The following GINM1 variants were observed in gnomAD, a reference collection of about 807,000 sequenced individuals.
GINM1 encodes the protein glycosylated integral membrane protein 1.
A neutral mutation model predicts 37.8 loss-of-function variants in GINM1; 29 were observed. That is an observed-to-expected ratio of 0.77 (90% CI 0.57 to 1.05). The LOEUF (loss-of-function observed/expected upper bound fraction) is 1.05. Among genes scored for constraint, GINM1 ranks in the 50% least tolerant of loss-of-function variants. The pLI, the probability that GINM1 is intolerant of heterozygous loss-of-function variation, is 0.00. For missense variants in GINM1, 377 were observed against 397.9 expected (o/e 0.95, Z 0.45); for synonymous variants, 143 against 146.2 (o/e 0.98, Z 0.16).
At chr6:149,582,364 TAA>T in intron 6 of GINM1, 74 bp from the exon 7 acceptor site, 2 of 1,272,912 alleles carry the variant, frequency 1.6e-6, no homozygotes, top group Non-Finnish European at 2.2e-6. Context: ...ATCCCAAAGC[TAA>T]AACATTAAAA....
chr6:149,580,607 C>T lies in GINM1; in HGVS notation c.601C>T (p.Leu201=). 6.2e-7 allele frequency: 1 copy of T among 1,612,620 alleles called. No individual in the cohort carries two copies. The highest frequency in any genetic ancestry group is 8.5e-7 in the Non-Finnish European group (1 of 1,179,436). The change falls in exon 6 of 8, where the codon CTG becomes TTG. Residue 201 remains leucine (L), a synonymous_variant. Coordinates refer to ENST00000367419, the MANE Select transcript of GINM1 (RefSeq NM_138785.5). ...CTCCTGGGTAGAAAGTGTTAGTTCA[C>T]TGCAAACCACTAGCCAGTATCTTAT... ...NLSKKESVSS[L]QTTSQYLIRN... is the part of the protein sequence containing the mutation.
At chr6:149,576,857 G>A (rs1264566731) in intron 3 of GINM1, among the ~76,000 whole-genome samples, 2 of 152,210 alleles carry the variant, frequency 1.3e-5, no homozygotes, top group African/African-American at 2.4e-5. Flanking sequence ...AAATACCTGA[G>A]ACTGGGTAAT....
At chr6:149,574,800 A>G (rs921086791) in intron 3 of GINM1, among the ~76,000 whole-genome samples, 14 of 152,182 alleles carry the variant, frequency 9.2e-5, no homozygotes, top group African/African-American at 3.1e-4. Flanking sequence ...CTCAGGAGAT[A>G]GAGGCTGCAG....
intron 6 of GINM1, 40 bp downstream of exon 6, chr6:149,580,763 T>A: frequency 6.3e-7 from 1 of 1,587,192 alleles, no homozygotes; most frequent in Non-Finnish European, 8.6e-7. Context: ...CATTCATGGT[T>A]AAGATGAAGA....
At chr6:149,571,556 G>C (rs1777822582) in intron 1 of GINM1, among the ~76,000 whole-genome samples, 1 of 152,088 alleles carries the variant, frequency 6.6e-6, no homozygotes, top group Non-Finnish European at 1.5e-5. Flanking sequence ...TTTAGAGAGA[G>C]AGACACAGGT....
chr6:149,580,092 A>G, intron 5 of GINM1, 102 bp downstream of exon 5: 1 of 761,492 alleles, frequency 1.3e-6, no homozygotes, highest in Non-Finnish European at 2.1e-6. Context: ...TATTTGCAAA[A>G]GTTGCTATTT....
chr6:149,584,196 G>A (rs554433248), intron 7 of GINM1, among the ~76,000 whole-genome samples: 1 of 152,130 alleles, frequency 6.6e-6, no homozygotes, highest in African/African-American at 2.4e-5. Flanking sequence ...AGCTGGTCTC[G>A]AACTCCTGAC....
intron 7 of GINM1, 48 bp downstream of exon 7, chr6:149,582,651 A>C (rs778767816): frequency 7.8e-7 from 1 of 1,282,772 alleles, no homozygotes; most frequent in Non-Finnish European, 1.1e-6. Flanking sequence ...ATGATTAAAA[A>C]GTGAGACATA....
chr6:149,568,375 A>G (rs1777754757), intron 1 of GINM1, among the ~76,000 whole-genome samples: 1 of 152,244 alleles, frequency 6.6e-6, no homozygotes, highest in Admixed American at 6.5e-5. Context: ...TTATTGTGAA[A>G]CATTTCCAAT....
intron 1 of GINM1, among the ~76,000 whole-genome samples, chr6:149,567,525 C>G (rs898524566): frequency 3.3e-5 from 5 of 152,110 alleles, no homozygotes; most frequent in Non-Finnish European, 7.4e-5. Context: ...CCTGTAGTCC[C>G]AGCTACTCGG....
chr6:149,579,295 G>A lies in GINM1; in HGVS notation c.429+322G>A, dbSNP rs569986374. On this transcript the variant is annotated intron_variant, in intron 4 of 7. Coordinates refer to ENST00000367419, the MANE Select transcript of GINM1 (RefSeq NM_138785.5). ...AATGAAGTCTCTGTGTGTAAATGAA[G>A]TAGAATCGAGATTAAGCTTATAATA... Among the ~76,000 whole-genome samples, 7 of 152,308 alleles carry A rather than the reference G, an allele frequency of 4.6e-5. No individual in the cohort carries two copies. In the South Asian group the frequency reaches 1.4e-3, roughly 32 times the overall value.
At chr6:149,583,375 A>C (rs1166800912) in intron 7 of GINM1, among the ~76,000 whole-genome samples, 1 of 152,194 alleles carries the variant, frequency 6.6e-6, no homozygotes, top group African/African-American at 2.4e-5. Context: ...AGGCAGGAGA[A>C]TCACTTGAAC....
At chr6:149,587,837 G>A (rs1028117551) in intron 7 of GINM1, among the ~76,000 whole-genome samples, 2 of 152,148 alleles carry the variant, frequency 1.3e-5, no homozygotes, top group Admixed American at 1.3e-4. Context: ...CTGATCTCAT[G>A]GTTGATACCC....
At position 149,576,254 on chromosome 6, in the gene GINM1, G is replaced by A. The variant is rs534480916; in HGVS notation, c.278-2568G>A. ...GAACTGAGGCCTCAGTTCCTCACCA[G>A]ATGTTGGTTGAAGGTCTTCCTCAGT... On this transcript the variant is annotated intron_variant, in intron 3 of 7. Transcript: ENST00000367419. The A allele has an allele frequency of 2.0e-5, 3 of 152,256 alleles. No homozygotes were observed. In the South Asian group the frequency reaches 6.2e-4, roughly 32 times the overall value. The allele number at this position is 152,256 out of a possible 1,614,324, so 9.4% of individuals were successfully genotyped here.
intron 1 of GINM1, among the ~76,000 whole-genome samples, chr6:149,571,741 T>G (rs866313661): frequency 6.3e-4 from 96 of 152,254 alleles, no homozygotes; most frequent in African/African-American, 2.3e-3. Context: ...ATTTGCATAT[T>G]ATATACTCAT....
intron 3 of GINM1, among the ~76,000 whole-genome samples, chr6:149,576,598 AAAAG>A (rs1391006440): frequency 6.6e-6 from 1 of 151,342 alleles, no homozygotes; most frequent in African/African-American, 2.5e-5. Context: ...AAAGAACAAA[AAAAG>A]AAAAAAAAAT....
At chr6:149,577,248 T>C (rs1055206453) in intron 3 of GINM1, 4 of 152,290 alleles carry the variant, frequency 2.6e-5, no homozygotes, top group African/African-American at 9.6e-5. Flanking sequence ...CCATTGAGTC[T>C]CCTGTACCTT....
chr6:149,580,527 C>T (rs1485512975), intron 5 of GINM1, 66 bp from the exon 6 acceptor site: 5 of 1,415,640 alleles, frequency 3.5e-6, no homozygotes, highest in East Asian at 2.3e-5. Flanking sequence ...CTATTGGTAT[C>T]GTAATCTTAG....
chr6:149,583,963 GTTTTA>G (rs919215786), intron 7 of GINM1, among the ~76,000 whole-genome samples: 27 of 151,882 alleles, frequency 1.8e-4, no homozygotes, highest in African/African-American at 5.8e-4. Context: ...TAAATCAGTC[GTTTTA>G]TTTTATTTTA....
Sources: allele counts gnomAD v4.1 joint callset (sites outside exome capture counted in the v4.1 genomes callset), GRCh38; gene constraint gnomAD v4.1.1; transcripts MANE v1.5; gene names NCBI Gene and HGNC (gene_info 2026-07-23, HGNC 2026-07-21).